SLC4A4: variants seen among roughly 807,000 people sequenced by gnomAD.
The protein encoded by SLC4A4 is electrogenic sodium bicarbonate cotransporter 1.
Under a neutral mutation model 111.5 loss-of-function variants are expected in SLC4A4, and 27 were observed. That is an observed-to-expected ratio of 0.24 (90% CI 0.18 to 0.33). The LOEUF is 0.33. Ranked by LOEUF, SLC4A4 falls within the 10% of genes least tolerant of loss-of-function variation. The probability of loss-of-function intolerance (pLI) is 1.00; values close to 1 mark genes in which losing one functional copy is unlikely to be tolerated. For synonymous variants in SLC4A4, 443 were observed against 463.4 expected (o/e 0.96, Z 0.57); for missense variants, 909 against 1,315.5 (o/e 0.69, Z 4.78).
intron 18 of SLC4A4, among the ~76,000 whole-genome samples, chr4:71,541,713 G>A (rs1046883283): frequency 6.0e-5 from 9 of 149,558 alleles, no homozygotes; most frequent in Non-Finnish European, 1.2e-4. Flanking sequence ...ATGGATGGGG[G>A]AGGAACAAGA....
At chr4:71,282,357 C>T (rs1723590888) in intron 3 of SLC4A4, among the ~76,000 whole-genome samples, 1 of 151,386 alleles carries the variant, frequency 6.6e-6, no homozygotes, top group African/African-American at 2.4e-5. Flanking sequence ...GCAATCTCAG[C>T]TCACTGCAAC....
intron 16 of SLC4A4, among the ~76,000 whole-genome samples, chr4:71,499,892 G>A (rs565348168): frequency 6.6e-6 from 1 of 152,176 alleles, no homozygotes; most frequent in Non-Finnish European, 1.5e-5. Flanking sequence ...GAACATGAGA[G>A]TGTTGACATC....
intron 14 of SLC4A4, among the ~76,000 whole-genome samples, chr4:71,480,935 C>A (rs538763459): frequency 1.3e-5 from 2 of 151,854 alleles, no homozygotes; most frequent in Middle Eastern, 6.8e-3. Context: ...TGAGAGATAG[C>A]TGACATTCAT....
intron 6 of SLC4A4, among the ~76,000 whole-genome samples, chr4:71,377,495 T>G (rs1732520306): frequency 6.6e-6 from 1 of 152,180 alleles, no homozygotes; most frequent in Admixed American, 6.5e-5. Context: ...CAGGTCTTCC[T>G]GACTTTCTGT....
intron 3 of SLC4A4, among the ~76,000 whole-genome samples, chr4:71,260,437 T>C (rs112316198): frequency 1.3e-5 from 2 of 152,266 alleles, no homozygotes; most frequent in African/African-American, 2.4e-5. Flanking sequence ...TCGATCTATA[T>C]ATAGGAGAAA....
At chr4:71,165,412 A>G (rs1421378798) in intron 2 of SLC4A4, among the ~76,000 whole-genome samples, 2 of 152,234 alleles carry the variant, frequency 1.3e-5, no homozygotes, top group Non-Finnish European at 2.9e-5. Flanking sequence ...AGGGACATGT[A>G]TGAAGCTGGA....
At chr4:71,560,036 T>C in intron 22 of SLC4A4, 57 bp from the exon 23 acceptor site, 2 of 1,361,054 alleles carry the variant, frequency 1.5e-6, no homozygotes, top group Admixed American at 3.4e-5. Flanking sequence ...GTATCTATGC[T>C]TGCTGTGACT....
Position 71,453,557 on chromosome 4 carries a change from A to G in SLC4A4, c.1385A>G (p.Tyr462Cys). The G allele has an allele frequency of 6.2e-7, 1 of 1,613,990 alleles. No homozygotes were observed. The highest frequency in any genetic ancestry group is 8.5e-7 in the Non-Finnish European group (1 of 1,179,884). The change falls in exon 12 of 26, where the codon TAT (tyrosine) becomes TGT (cysteine). Residue 462 changes from tyrosine (Y) to cysteine (C), a missense_variant. Around this residue, in one of 7 missense-constraint regions of SLC4A4, gnomAD observed 312 missense variants for 402.0 expected, o/e 0.78. Transcript: ENST00000264485. ...GCGCCATTTTTTGCCAGTGATTTTT[A>G]TGATGCTTTAAATATTCAAGCTCTT... ...RKAPFFASDF[Y>C]DALNIQALSA...
chr4:71,189,496 A>G (rs1745637097), intron 1 of SLC4A4, among the ~76,000 whole-genome samples: 1 of 152,214 alleles, frequency 6.6e-6, no homozygotes, highest in Admixed American at 6.5e-5. Flanking sequence ...CTTTGGGACA[A>G]CTTCCAGTAG....
rs559228491 is a variant in SLC4A4, at chr4:71,242,052, T to C, written c.73+5403T>C. Among the ~76,000 whole-genome samples, 310 of 152,334 alleles carry C rather than the reference T, an allele frequency of 2.0e-3. 4 individuals carry two copies. Among genetic ancestry groups the C allele is most frequent in the African/African-American group, 7.3e-3 (302 of 41,586 alleles). ...GGAAGGCTGATGATAGTTCCGTGTG[T>C]TTTTGAAACTAGAATCAGACATTTC... On this transcript the variant is annotated intron_variant, in intron 2 of 25. Coordinates refer to ENST00000264485, the MANE Select transcript of SLC4A4 (RefSeq NM_001098484.3).
At chr4:71,178,760 A>G (rs1039919525) in intron 2 of SLC4A4, among the ~76,000 whole-genome samples, 12 of 152,220 alleles carry the variant, frequency 7.9e-5, no homozygotes, top group African/African-American at 2.9e-4. Flanking sequence ...TTCACAGCCA[A>G]ATTCTACCAG....
chr4:71,341,670 C>T (rs1295345461), intron 4 of SLC4A4, among the ~76,000 whole-genome samples: 1 of 151,982 alleles, frequency 6.6e-6, no homozygotes. Flanking sequence ...TAGGCTTATG[C>T]TTTGTAGGCT....
chr4:71,219,177 A>G (rs1340305208), intron 1 of SLC4A4, among the ~76,000 whole-genome samples: 1 of 152,252 alleles, frequency 6.6e-6, no homozygotes, highest in Non-Finnish European at 1.5e-5. Flanking sequence ...AAAAGCCAAG[A>G]TAGGTCAAGA....
chr4:71,263,921 A>G (rs1386552149), intron 3 of SLC4A4, among the ~76,000 whole-genome samples: 1 of 152,180 alleles, frequency 6.6e-6, no homozygotes, highest in Non-Finnish European at 1.5e-5. Flanking sequence ...TAGCTTTCTG[A>G]GTTGGAATAA....
chr4:71,094,341 C>G (rs9291199), intron 2 of SLC4A4, among the ~76,000 whole-genome samples: 13,950 of 152,224 alleles, frequency 0.092, 791 homozygotes, highest in African/African-American at 0.16. Flanking sequence ...AAAAGTACTT[C>G]TAAGAGCTTC....
At chr4:71,355,605 A>T (rs951355018) in intron 5 of SLC4A4, among the ~76,000 whole-genome samples, 1 of 152,228 alleles carries the variant, frequency 6.6e-6, no homozygotes, top group African/African-American at 2.4e-5. Flanking sequence ...GAGGCATGTG[A>T]TGGAAAATCC....
At chr4:71,074,143 C>G (rs941679393) in intron 1 of SLC4A4, among the ~76,000 whole-genome samples, 1 of 152,136 alleles carries the variant, frequency 6.6e-6, no homozygotes, top group Non-Finnish European at 1.5e-5. Context: ...CTTGATGGAA[C>G]TTTAAAAAGT....
At chr4:71,154,361 C>T (rs1044650120) in intron 2 of SLC4A4, among the ~76,000 whole-genome samples, 3 of 152,160 alleles carry the variant, frequency 2.0e-5, no homozygotes, top group Middle Eastern at 3.4e-3. Context: ...AGAGTGTGGA[C>T]GCTTTCATTG....
chr4:71,182,740 ACACT>A (rs60507854), upstream of SLC4A4, among the ~76,000 whole-genome samples: 263 of 132,042 alleles, frequency 2.0e-3, 1 homozygote, highest in African/African-American at 5.9e-3. Flanking sequence ...ACACACACAC[ACACT>A]CTCTCTCACA....
Sources: gnomAD v4.1 joint callset for allele counts (sites outside exome capture counted in the v4.1 genomes callset) on GRCh38, gnomAD v4.1.1 for gene constraint, gnomAD v4.1.1 regional missense constraint, MANE v1.5 for transcripts, NCBI Gene and HGNC (gene_info 2026-07-23, HGNC 2026-07-21) for gene names.